Variants in APLF observed in about 807,000 individuals in gnomAD.
APLF encodes aprataxin and PNK-like factor.
In APLF, 61 loss-of-function variants were observed where a neutral mutation model predicts 55.6. The observed-to-expected ratio is 1.10, with a 90% CI of 0.89 to 1.36. APLF has a LOEUF of 1.36. Among genes scored for constraint, APLF ranks in the 40% most tolerant of loss-of-function variants. The pLI, the probability that APLF is intolerant of heterozygous loss-of-function variation, is 0.00. For missense variants in APLF, 611 were observed against 602.5 expected, an observed-to-expected ratio of 1.01 and a Z score of -0.15; for synonymous variants, 207 against 214.8, an observed-to-expected ratio of 0.96 and a Z score of 0.32.
At chr2:68,561,205 A>G (rs899957521) in intron 8 of APLF, among the ~76,000 whole-genome samples, 5 of 152,108 alleles carry the variant, frequency 3.3e-5, no homozygotes, top group African/African-American at 1.2e-4. Context: ...GCAGATTTTT[A>G]TACACACTAC....
chr2:68,517,030 T>A (rs1409487552), intron 5 of APLF, among the ~76,000 whole-genome samples: 3 of 103,842 alleles, frequency 2.9e-5, no homozygotes, highest in African/African-American at 1.2e-4. Context: ...AATATATTAA[T>A]ATATAATATA....
Position 68,513,449 on chromosome 2 carries a change from C to T in APLF, c.490-99C>T. The T allele has an allele frequency of 2.9e-6, 4 of 1,362,302 alleles. No homozygotes were observed. The South Asian group carries it at 4.0e-5, about 14-fold the overall frequency. 84.4% of individuals were successfully genotyped at this position (1,362,302 alleles called of 1,614,324 possible). A position where few individuals can be genotyped will look rare whatever the true frequency, so the allele number is the denominator to read the frequency against. On this transcript the variant is annotated intron_variant, in intron 4 of 9. Coordinates refer to ENST00000303795, the MANE Select transcript of APLF (RefSeq NM_173545.3). ...ATTTTATGAACTCAGTCTACAGTTG[C>T]ATATGGGTATTTTAATGGTAGTATT...
At chr2:68,497,598 T>A (rs1676590823) in intron 2 of APLF, among the ~76,000 whole-genome samples, 1 of 150,916 alleles carries the variant, frequency 6.6e-6, no homozygotes, top group Non-Finnish European at 1.5e-5. Context: ...TTTTTTTAAA[T>A]AAATTACCCA....
intron 1 of APLF, among the ~76,000 whole-genome samples, chr2:68,482,691 G>A (rs185392140): frequency 6.6e-5 from 10 of 152,276 alleles, no homozygotes; most frequent in Admixed American, 3.9e-4. Flanking sequence ...ATCCAGCTAG[G>A]AGTGCAGGTG....
chr2:68,577,157 C>T (rs1671649094), intron 9 of APLF, among the ~76,000 whole-genome samples: 1 of 152,172 alleles, frequency 6.6e-6, no homozygotes, highest in African/African-American at 2.4e-5. Context: ...AGTATCTAAG[C>T]TCACGCCCTG....
intron 9 of APLF, among the ~76,000 whole-genome samples, chr2:68,576,583 T>G (rs1443125728): frequency 6.6e-6 from 1 of 152,172 alleles, no homozygotes; most frequent in Non-Finnish European, 1.5e-5. Flanking sequence ...ATGTTTTTGG[T>G]TTCTACCTTT....
intron 7 of APLF, 38 bp from the exon 8 acceptor site, chr2:68,545,148 TA>T (rs1670664878): frequency 6.3e-7 from 1 of 1,594,876 alleles, no homozygotes; most frequent in East Asian, 2.2e-5. Context: ...TAGAATATCC[TA>T]TTTTTTTTTT....
intron 8 of APLF, among the ~76,000 whole-genome samples, chr2:68,547,832 T>G (rs537328450): frequency 5.6e-4 from 85 of 151,900 alleles, no homozygotes; most frequent in Non-Finnish European, 8.0e-4. Flanking sequence ...CTAAATTTAT[T>G]GTAATTACTT....
In APLF at chr2:68,528,323, C is replaced by T. The variant is rs369364126; in HGVS notation, c.804+2081C>T. 190 of 1,447,586 alleles carry T rather than the reference C, an allele frequency of 1.3e-4. 1 individual carries two copies. Among genetic ancestry groups the T allele is most frequent in the East Asian group, 5.4e-4 (22 of 40,446 alleles). The allele number at this position is 1,447,586 out of a possible 1,614,324, so 89.7% of individuals were successfully genotyped here. ...TCTACTTAACACCCTCATGTTCTTA[C>T]GCATGTTGCCCTGCTGGAGGCGTCC... is the stretch of plus-strand genomic sequence containing the variant. On this transcript the variant is annotated intron_variant, in intron 6 of 9. Transcript: ENST00000303795.
chr2:68,490,383 A>G lies in APLF; in HGVS notation c.168+122A>G, dbSNP rs1573166322. 1.3e-5 allele frequency: 8 copies of G among 628,590 alleles called. No homozygotes were observed. In the East Asian group the frequency reaches 1.9e-4, roughly 15 times the overall value. The allele number at this position is 628,590 out of a possible 1,614,324, so 38.9% of individuals were successfully genotyped here. ...ATTAATGTCAGAATATACCCTTCTC[A>G]TTGCCAGAAAATAATTAGGAGATAA... On this transcript the variant is annotated intron_variant, in intron 2 of 9. Coordinates refer to ENST00000303795, the MANE Select transcript of APLF (RefSeq NM_173545.3).
In APLF at chr2:68,545,303, C is replaced by T. The variant is rs776837398; in HGVS notation, c.1277C>T (p.Ser426Phe). Reference protein sequence around the residue: ...DDRPECPYGPSCYRKNPQHKI... With the variant: ...DDRPECPYGPFCYRKNPQHKI... ...CGGCCTGAATGTCCCTATGGACCATCCTGTTATAGGTATAGAAACTGAATG... is the reference window on the plus strand; with the variant it reads ...CGGCCTGAATGTCCCTATGGACCATTCTGTTATAGGTATAGAAACTGAATG... Residue 426 changes from serine (S) to phenylalanine (F), a missense_variant, in exon 8 of 10, where the codon TCC becomes TTC. By Grantham distance (155) the Ser-to-Phe change is radical. Transcript: ENST00000303795. 3.1e-6 allele frequency: 5 copies of T among 1,613,046 alleles called. No homozygotes were observed. The highest frequency in any genetic ancestry group is 4.2e-6 in the Non-Finnish European group (5 of 1,179,440).
rs984258014 is a variant in APLF at position 68,535,340 on chromosome 2, C to A, written c.805-2532C>A. 5 of 429,924 alleles carry A rather than the reference C, an allele frequency of 1.2e-5. No homozygotes were observed. The Admixed American group carries it at 1.5e-4, about 13-fold the overall frequency. 26.6% of individuals were successfully genotyped at this position (429,924 alleles called of 1,614,324 possible). On this transcript the variant is annotated intron_variant, in intron 6 of 9. Coordinates refer to ENST00000303795, the MANE Select transcript of APLF (RefSeq NM_173545.3). ...CATTTGAAGTAAATAATGAAAACCTCCATTTGCCTCATCCTTCGACCTCAT... is the reference window on the plus strand; with the variant it reads ...CATTTGAAGTAAATAATGAAAACCTACATTTGCCTCATCCTTCGACCTCAT...
In APLF at chr2:68,576,677, A is replaced by G. The variant is rs150408108; in HGVS notation, c.1334-1143A>G. On this transcript the variant is annotated intron_variant, in intron 9 of 9. Transcript: ENST00000303795. ...AAGAAAAATATAAATATATTGGGCTATAAGGGTTAAAAGGACAGATACATT... is the reference window on the plus strand; with the variant it reads ...AAGAAAAATATAAATATATTGGGCTGTAAGGGTTAAAAGGACAGATACATT... Among the ~76,000 whole-genome samples the G allele has an allele frequency of 8.3e-3, 1,266 of 152,326 alleles. 5 individuals carry two copies. Among genetic ancestry groups the G allele is most frequent in the Non-Finnish European group, 0.014 (959 of 68,032 alleles).
chr2:68,523,060 C>A (rs1195141217), intron 5 of APLF, among the ~76,000 whole-genome samples: 1 of 151,752 alleles, frequency 6.6e-6, no homozygotes, highest in Non-Finnish European at 1.5e-5. Context: ...CAAATAATAG[C>A]CTGCCAAACA....
chr2:68,531,129 C>T (rs1397040490), intron 6 of APLF, among the ~76,000 whole-genome samples: 1 of 152,170 alleles, frequency 6.6e-6, no homozygotes, highest in Non-Finnish European at 1.5e-5. Flanking sequence ...TTTGCTAACT[C>T]ACTAGGATGG....
At position 68,568,814 on chromosome 2, in the gene APLF, A is replaced by C. The variant is rs78104111; in HGVS notation, c.1333+1427A>C. On this transcript the variant is annotated intron_variant, in intron 9 of 9. Transcript: ENST00000303795. Reference sequence around the variant, plus strand: ...TAGGACAATTAACTTTTTAAAGGAAAACTTTATTGAAAAGCATTTTTAATA... The same window carrying C: ...TAGGACAATTAACTTTTTAAAGGAACACTTTATTGAAAAGCATTTTTAATA... 5.5e-3 allele frequency among the ~76,000 whole-genome samples: 837 copies of C among 152,256 alleles called. 4 individuals are homozygous for C. Among genetic ancestry groups the C allele is most frequent in the African/African-American group, 0.019 (800 of 41,584 alleles).
chr2:68,536,355 A>T (rs1009582724), intron 6 of APLF, among the ~76,000 whole-genome samples: 1 of 152,228 alleles, frequency 6.6e-6, no homozygotes, highest in Non-Finnish European at 1.5e-5. Context: ...TGTTTCTTAA[A>T]AAATGAAATA....
At chr2:68,506,454 C>T (rs559458228) in intron 3 of APLF, among the ~76,000 whole-genome samples, 7 of 151,954 alleles carry the variant, frequency 4.6e-5, no homozygotes, top group Admixed American at 2.0e-4. Flanking sequence ...TGGGGTTTTC[C>T]TGTTTTTGAA....
chr2:68,485,146 T>C (rs1390073202), intron 1 of APLF, among the ~76,000 whole-genome samples: 2 of 152,184 alleles, frequency 1.3e-5, no homozygotes, highest in Admixed American at 1.3e-4. Flanking sequence ...TAAATTTTAA[T>C]ATCCCATACT....
Sources: allele counts gnomAD v4.1 joint callset (sites outside exome capture counted in the v4.1 genomes callset), GRCh38; gene constraint gnomAD v4.1.1; transcripts MANE v1.5; gene names NCBI Gene and HGNC (gene_info 2026-07-23, HGNC 2026-07-21).